Variants in TENM1 observed in about 807,000 individuals in gnomAD.
TENM1 encodes teneurin transmembrane protein 1.
A neutral mutation model predicts 174.8 loss-of-function variants in TENM1; 35 were observed. The ratio of observed to expected loss-of-function variants is 0.20; its 90% CI spans 0.15 to 0.27. The LOEUF is 0.27. Among genes scored for constraint, TENM1 ranks in the 10% least tolerant of loss-of-function variants. The pLI, the probability that TENM1 is intolerant of heterozygous loss-of-function variation, is 1.00. For synonymous variants in TENM1, 781 were observed against 798.7 expected (o/e 0.98, Z 0.37); for missense variants, 1,633 against 2,130.1 (o/e 0.77, Z 4.59).
the TENM1 span, among the ~76,000 whole-genome samples, chrX:124,969,285 T>C: frequency 1.8e-5 from 2 of 112,510 alleles, no homozygotes; most frequent in African/African-American, 3.2e-5. Context: ...CTTCAGATAG[T>C]CCACAAAGTA....
At chrX:124,744,630 C>A (rs1017746775) in intron 3 of TENM1, among the ~76,000 whole-genome samples, 8 of 111,488 alleles carry the variant, frequency 7.2e-5, no homozygotes, top group African/African-American at 2.6e-4. Flanking sequence ...AAGTAATGAT[C>A]CTTTAAAATT....
the TENM1 span, among the ~76,000 whole-genome samples, chrX:125,047,447 C>A: frequency 9.0e-6 from 1 of 111,432 alleles, no homozygotes; most frequent in Non-Finnish European, 1.9e-5. Context: ...AATAAATCAT[C>A]AAGAAAATTT....
At chrX:125,114,226 A>G in the TENM1 span, among the ~76,000 whole-genome samples, 11 of 111,984 alleles carry the variant, frequency 9.8e-5, no homozygotes, top group Non-Finnish European at 1.7e-4. Context: ...GAACAAAGAC[A>G]TAACGTACCA....
intron 3 of TENM1, among the ~76,000 whole-genome samples, chrX:124,839,323 G>A (rs2056452671): frequency 9.0e-6 from 1 of 111,678 alleles, no homozygotes; most frequent in Admixed American, 9.5e-5. Context: ...TAGGAGAGCA[G>A]TTAACTCTGG....
the TENM1 span, among the ~76,000 whole-genome samples, chrX:125,000,345 G>A: frequency 5.4e-5 from 6 of 111,389 alleles, no homozygotes; most frequent in Non-Finnish European, 9.5e-5. Context: ...AAACTTGAAC[G>A]TTCACCTGAA....
the TENM1 span, among the ~76,000 whole-genome samples, chrX:125,082,845 T>C: frequency 9.0e-6 from 1 of 111,525 alleles, no homozygotes; most frequent in African/African-American, 3.3e-5. Context: ...ACATGAGGTA[T>C]TTTGATACAG....
At chrX:124,930,446 T>C (rs2058154120) in intron 1 of TENM1, among the ~76,000 whole-genome samples, 3 of 112,106 alleles carry the variant, frequency 2.7e-5, no homozygotes, top group Non-Finnish European at 5.6e-5. Flanking sequence ...GCTCTCACTA[T>C]ATCTTTCCAA....
At chrX:124,485,993 A>G (rs1287770638) in intron 21 of TENM1, among the ~76,000 whole-genome samples, 1 of 111,937 alleles carries the variant, frequency 8.9e-6, no homozygotes, top group Non-Finnish European at 1.9e-5. Context: ...AATCTAATCA[A>G]TGTTATTTTC....
At chrX:124,561,646 C>T (rs200304967) in intron 14 of TENM1, 25 bp downstream of exon 17, 397 of 1,206,862 alleles carry the variant, frequency 3.3e-4, no homozygotes, top group Non-Finnish European at 4.2e-4. Flanking sequence ...TCCTTTCTTA[C>T]GTGAACATTT....
intron 14 of TENM1, among the ~76,000 whole-genome samples, chrX:124,555,465 T>C (rs1048922205): frequency 2.9e-4 from 33 of 112,220 alleles, no homozygotes; most frequent in Middle Eastern, 4.6e-3. Context: ...GAGAAAACTA[T>C]GCAAGGAGTT....
At chrX:124,970,849 C>A in the TENM1 span, among the ~76,000 whole-genome samples, 19 of 110,490 alleles carry the variant, frequency 1.7e-4, no homozygotes, top group East Asian at 5.4e-3. Flanking sequence ...ATGTTCATGG[C>A]GGCACTATTC....
At chrX:124,935,829 C>T (rs1416594213) in intron 1 of TENM1, among the ~76,000 whole-genome samples, 1 of 112,158 alleles carries the variant, frequency 8.9e-6, no homozygotes, top group East Asian at 2.8e-4. Flanking sequence ...TCTCAGTTTT[C>T]CGGACATTAG....
chrX:124,844,185 C>A (rs1238743513), intron 3 of TENM1, among the ~76,000 whole-genome samples: 1 of 111,804 alleles, frequency 8.9e-6, no homozygotes, highest in East Asian at 2.8e-4. Flanking sequence ...GAGTTGATGG[C>A]ACTAGATCTT....
chrX:124,540,185 T>G (rs1266504837), intron 15 of TENM1, among the ~76,000 whole-genome samples: 1 of 112,547 alleles, frequency 8.9e-6, no homozygotes, highest in Non-Finnish European at 1.9e-5. Context: ...GGACTGTGTT[T>G]CTTTTGTGTA....
chrX:125,179,992 G>A, the TENM1 span, among the ~76,000 whole-genome samples: 1 of 101,127 alleles, frequency 9.9e-6, no homozygotes, highest in Middle Eastern at 5.1e-3. Flanking sequence ...CACCTGGGTG[G>A]GCCCTCTATA....
chrX:124,842,938 C>T (rs1277366368), intron 3 of TENM1, among the ~76,000 whole-genome samples: 1 of 111,350 alleles, frequency 9.0e-6, no homozygotes, highest in Non-Finnish European at 1.9e-5. Flanking sequence ...AAGTCCTTGA[C>T]ATTATACCGT....
intron 23 of TENM1, among the ~76,000 whole-genome samples, chrX:124,425,276 T>C (rs2884139): frequency 0.46 from 51,294 of 111,073 alleles, 9,885 homozygotes; most frequent in Non-Finnish European, 0.62. Flanking sequence ...AAACTCCATA[T>C]TGTTTTCCAT....
At chrX:124,644,142 T>C (rs994229221) in intron 10 of TENM1, among the ~76,000 whole-genome samples, 1 of 99,477 alleles carries the variant, frequency 1.0e-5, no homozygotes, top group Non-Finnish European at 2.0e-5. Flanking sequence ...TATATATATA[T>C]AAATTTATAT....
intron 3 of TENM1, among the ~76,000 whole-genome samples, chrX:124,786,050 T>C (rs887415134): frequency 9.0e-6 from 1 of 111,343 alleles, no homozygotes; most frequent in Admixed American, 9.6e-5. Flanking sequence ...ATATATACAA[T>C]TTTTTGGAGA....
Sources: allele counts gnomAD v4.1 joint callset (sites outside exome capture counted in the v4.1 genomes callset), GRCh38; gene constraint gnomAD v4.1.1; transcripts MANE v1.5; gene names NCBI Gene and HGNC (gene_info 2026-07-23, HGNC 2026-07-21).